PCNX3: variants seen among roughly 807,000 people sequenced by gnomAD.
PCNX3 encodes the protein pecanex-like protein 3.
Under a neutral mutation model 207.2 loss-of-function variants are expected in PCNX3, and 58 were observed. The ratio of observed to expected loss-of-function variants is 0.28; its 90% CI spans 0.23 to 0.35. The LOEUF is 0.35. Ranked by LOEUF, PCNX3 falls within the 10% of genes least tolerant of loss-of-function variation. The probability of loss-of-function intolerance (pLI) is 1.00; values close to 1 mark genes in which losing one functional copy is unlikely to be tolerated. For missense variants in PCNX3, 2,410 were observed against 2,774.4 expected (o/e 0.87, Z 2.95); for synonymous variants, 1,337 against 1,183.5 (o/e 1.13, Z -2.66).
At chr11:65,636,363 C>A (rs375505128) in intron 33 of PCNX3, 28 bp from the exon 34 acceptor site, 22 of 1,590,126 alleles carry the variant, frequency 1.4e-5, no homozygotes, top group Non-Finnish European at 1.8e-5. Flanking sequence ...CCAGCTGAGG[C>A]CTCTGCTGTC....
rs1198060255 is a variant in PCNX3 at position 65,637,243 on chromosome 11, G to T, written c.*265G>T. On this transcript the variant is annotated 3_prime_UTR_variant, in exon 35 of 35. Coordinates refer to ENST00000355703, the MANE Select transcript of PCNX3 (RefSeq NM_032223.4). Reference sequence around the variant, plus strand: ...GCCCTAAGAGCCAAACCATGGGCTGGTCCCACTTGGAGCCTGTGGCCAGGA... The same window carrying T: ...GCCCTAAGAGCCAAACCATGGGCTGTTCCCACTTGGAGCCTGTGGCCAGGA... The T allele has an allele frequency of 1.3e-5, 7 of 518,976 alleles. No homozygotes were observed. The highest frequency in any genetic ancestry group is 2.4e-5 in the Non-Finnish European group (7 of 288,082). 32.1% of individuals were successfully genotyped at this position (518,976 alleles called of 1,614,324 possible).
At position 65,625,868 on chromosome 11, in the gene PCNX3, C is replaced by A; in HGVS notation, c.3229-36C>A. 1 of 1,605,158 alleles carries A rather than the reference C, an allele frequency of 6.2e-7. No individual in the cohort carries two copies. Among genetic ancestry groups the A allele is most frequent in the Non-Finnish European group, 8.5e-7 (1 of 1,175,018 alleles). ...GCCCTCTGTGGTCCCTTGGCCTGCT[C>A]CCATCAGCTGAGTCTCTGGCCTCTC... is the stretch of plus-strand genomic sequence containing the variant. On this transcript the variant is annotated intron_variant, in intron 19 of 34. Coordinates refer to ENST00000355703, the MANE Select transcript of PCNX3 (RefSeq NM_032223.4). The surrounding 1 kb of genome is among the most constrained non-coding windows in gnomAD (Gnocchi z 5.6).
chr11:65,627,151 T>C (rs1360226180), intron 21 of PCNX3, 103 bp downstream of exon 21: 19 of 1,414,602 alleles, frequency 1.3e-5, no homozygotes, highest in African/African-American at 7.3e-5. Context: ...TAAGGTTGTT[T>C]AGCAAGCTAA....
chr11:65,622,263 G>A lies in PCNX3; in HGVS notation c.2254G>A (p.Glu752Lys). The change falls in exon 11 of 35, where the codon GAA becomes AAA. Residue 752 changes from glutamate to lysine, a missense_variant. Glu to Lys is a moderately conservative substitution (Grantham distance 56). Transcript: ENST00000355703. Reference protein sequence around the residue: ...EIPEEQTLMEEAPPRAQHSYK... With the variant: ...EIPEEQTLMEKAPPRAQHSYK... ...ATCCCAGGAGCAGACACTGATGGAAGAAGCGCCACCCCGGGCCCAGCATAG... is the reference window on the plus strand; with the variant it reads ...ATCCCAGGAGCAGACACTGATGGAAAAAGCGCCACCCCGGGCCCAGCATAG... 6.2e-7 allele frequency: 1 copy of A among 1,603,614 alleles called. No individual in the cohort carries two copies. Among genetic ancestry groups the A allele is most frequent in the South Asian group, 1.1e-5 (1 of 89,010 alleles).
Position 65,634,660 on chromosome 11 carries a change from C to G in PCNX3, c.4805+19C>G. ...CTGCAAGGTGAGTGCTCGGGTGTCC[C>G]GCGGGGCCTACTGCCGTCCCCACCC... On this transcript the variant is annotated intron_variant, in intron 29 of 34. Transcript: ENST00000355703. 6.5e-7 allele frequency: 1 copy of G among 1,548,996 alleles called. No homozygotes were observed. The highest frequency in any genetic ancestry group is 8.7e-7 in the Non-Finnish European group (1 of 1,152,604).
At chr11:65,620,507 T>C (rs757186784) in intron 9 of PCNX3, 78 bp downstream of exon 9, 539 of 1,491,150 alleles carry the variant, frequency 3.6e-4, no homozygotes, top group Non-Finnish European at 4.8e-4. Context: ...GCCTGGAGTT[T>C]GCTCTCTTCC....
Position 65,636,983 on chromosome 11 carries a change from C to T in PCNX3, c.*5C>T. 6.4e-7 allele frequency: 1 copy of T among 1,564,212 alleles called. No individual in the cohort carries two copies. The highest frequency in any genetic ancestry group is 1.2e-5 in the South Asian group (1 of 85,384). ...CTGCTGGAACACCAGTACTGAGCTACCTGGCGCCCACTGGACCACCTCCTA... is the reference window on the plus strand; with the variant it reads ...CTGCTGGAACACCAGTACTGAGCTATCTGGCGCCCACTGGACCACCTCCTA... On this transcript the variant is annotated 3_prime_UTR_variant, in exon 35 of 35. Transcript: ENST00000355703.
Position 65,624,184 on chromosome 11 carries a change from T to C in PCNX3, c.2545-11T>C. ...CGGGGAGACCCAGCTCCTCATGGGC[T>C]GACCCCTCAGGGCCACAACTGGGTG... On this transcript the variant is annotated splice_polypyrimidine_tract_variant and intron_variant, in intron 13 of 34. Coordinates refer to ENST00000355703, the MANE Select transcript of PCNX3 (RefSeq NM_032223.4). 2 of 1,599,214 alleles carry C rather than the reference T, an allele frequency of 1.3e-6. No individual in the cohort carries two copies. Among genetic ancestry groups the C allele is most frequent in the Non-Finnish European group, 1.7e-6 (2 of 1,175,036 alleles).
Position 65,620,831 on chromosome 11 carries a change from G to T in PCNX3, c.2100G>T (p.Trp700Cys). The change falls in exon 10 of 35, where the codon TGG becomes TGT. Residue 700 changes from tryptophan to cysteine, a missense_variant and splice_region_variant. Physicochemically the swap from Trp to Cys is radical, Grantham distance 215 (BLOSUM62 -2). This residue lies in a region of PCNX3 where 1,104 missense variants were observed against 970.3 expected (regional missense o/e 1.14). Transcript: ENST00000355703. ...ATCCTGATGGCTGCTGTTCTCACAG[G>T]GACCGACACTCGCATTCCTCCAGCT... ...QQGEQTANGA[W>C]DRHSHSSSFH... 1 of 1,595,798 alleles carries T rather than the reference G, an allele frequency of 6.3e-7. No homozygotes were observed. The highest frequency in any genetic ancestry group is 2.3e-5 in the East Asian group (1 of 43,616).
chr11:65,630,366 A>G lies in PCNX3; in HGVS notation c.4232A>G (p.Gln1411Arg). Residue 1411 changes from glutamine (Q) to arginine (R), a missense_variant, in exon 27 of 35, where the codon CAG becomes CGG. Physicochemically the swap from Gln to Arg is conservative, Grantham distance 43. Transcript: ENST00000355703. ...GLEFRGTYCQ[Q>R]REVEAITEGV... ...TCCTCCACAGGCACTTACTGCCAGC[A>G]GCGCGAGGTGGAGGCTATCACCGAG... 6.2e-7 allele frequency: 1 copy of G among 1,613,172 alleles called. No individual in the cohort carries two copies. Among genetic ancestry groups the G allele is most frequent in the Non-Finnish European group, 8.5e-7 (1 of 1,179,858 alleles).
chr11:65,624,938 G>T lies in PCNX3; in HGVS notation c.2841G>T (p.Pro947=), dbSNP rs370523828. The change falls in exon 16 of 35, where the codon CCG becomes CCT. Residue 947 remains proline, a synonymous_variant. Coordinates refer to ENST00000355703, the MANE Select transcript of PCNX3 (RefSeq NM_032223.4). ...HGFGGTAATS[P]LTAVFSLSRS... is the part of the protein sequence containing the mutation. The stretch of plus-strand genomic sequence containing the variant: ...CCTTCCACACAGCTGCCACCAGCCC[G>T]CTCACGGCAGTCTTCAGCCTCTCCC... 6.2e-7 allele frequency: 1 copy of T among 1,610,038 alleles called. No homozygotes were observed.
At position 65,616,941 on chromosome 11, in the gene PCNX3, G is replaced by C. The variant is rs750506857; in HGVS notation, c.271G>C (p.Val91Leu). Residue 91 changes from valine (V) to leucine (L), a missense_variant, in exon 2 of 35, where the codon GTG becomes CTG. Val to Leu is a conservative substitution (Grantham distance 32). Transcript: ENST00000355703. ...LHAMFDQGEIVEKRSSTMGEL... is the reference protein window; with the variant it reads ...LHAMFDQGEILEKRSSTMGEL... ...TGCCATGTTTGACCAGGGCGAGATC[G>C]TGGAGAAGCGCAGCTCTACCATGGG... is the stretch of plus-strand genomic sequence containing the variant. 4 of 1,613,294 alleles carry C rather than the reference G, an allele frequency of 2.5e-6. No individual in the cohort carries two copies. Among genetic ancestry groups the C allele is most frequent in the Non-Finnish European group, 3.4e-6 (4 of 1,179,854 alleles).
At chr11:65,617,871 C>T in intron 5 of PCNX3, 69 bp from the exon 6 acceptor site, 3 of 1,476,046 alleles carry the variant, frequency 2.0e-6, no homozygotes, top group South Asian at 1.3e-5. Context: ...GGCATAAGAC[C>T]TCCCTTAACC....
At chr11:65,623,994 G>A (rs1855248142) in intron 13 of PCNX3, 33 bp downstream of exon 13, 1 of 1,608,334 alleles carries the variant, frequency 6.2e-7, no homozygotes, top group Non-Finnish European at 8.5e-7. Context: ...CTCTGGCCAG[G>A]AGGCCCCGGG....
rs1855194243 is a variant in PCNX3 at position 65,623,055 on chromosome 11, C to T, written c.2358-436C>T. Among the ~76,000 whole-genome samples, 5 of 152,324 alleles carry T rather than the reference C, an allele frequency of 3.3e-5. No individual in the cohort carries two copies. In the South Asian group the frequency reaches 1.0e-3, roughly 32 times the overall value. The stretch of plus-strand genomic sequence containing the variant: ...CAATAGAGAAGTCAGATGACTTCTA[C>T]CCAGTGTAGAGAACTTGGGCCTAGA... On this transcript the variant is annotated intron_variant, in intron 11 of 34. Coordinates refer to ENST00000355703, the MANE Select transcript of PCNX3 (RefSeq NM_032223.4).
At position 65,618,348 on chromosome 11, in the gene PCNX3, G is replaced by A; in HGVS notation, c.986G>A (p.Gly329Glu). 1 of 1,612,192 alleles carries A rather than the reference G, an allele frequency of 6.2e-7. No homozygotes were observed. Among genetic ancestry groups the A allele is most frequent in the Non-Finnish European group, 8.5e-7 (1 of 1,179,448 alleles). ...ACCCATCTGGACAGCCCCCCAGGGG[G>A]GCCAGCCCCTGAGGGCAGCGACACA... Reference protein sequence around the residue: ...NSTHLDSPPGGPAPEGSDTDP... With the variant: ...NSTHLDSPPGEPAPEGSDTDP... The change falls in exon 6 of 35, where the codon GGG (glycine) becomes GAG (glutamate). Residue 329 changes from glycine to glutamate, a missense_variant. By Grantham distance (98) the Gly-to-Glu change is moderately conservative. Transcript: ENST00000355703.
rs1251029267 is a variant in PCNX3, at chr11:65,617,453, G to A, written c.442-17G>A. On this transcript the variant is annotated splice_polypyrimidine_tract_variant and intron_variant, in intron 3 of 34. Coordinates refer to ENST00000355703, the MANE Select transcript of PCNX3 (RefSeq NM_032223.4). ...TTCTTGCCTTGTTTGTTCCTTCATG[G>A]CTCTCTGTCTACTCAGGAGCTGCTG... 6.2e-7 allele frequency: 1 copy of A among 1,613,790 alleles called. No individual in the cohort carries two copies. The highest frequency in any genetic ancestry group is 8.5e-7 in the Non-Finnish European group (1 of 1,179,872).
Position 65,635,013 on chromosome 11 carries a change from G to A in PCNX3, c.4846G>A (p.Gly1616Arg). Residue 1616 changes from glycine (G) to arginine (R), a missense_variant, in exon 30 of 35, where the codon GGG (glycine) becomes AGG (arginine). Physicochemically the swap from Gly to Arg is moderately radical, Grantham distance 125 (BLOSUM62 -2). This residue lies in a region of PCNX3 where 420 missense variants were observed against 705.3 expected (regional missense o/e 0.60). Transcript: ENST00000355703. This position sits in a 1 kb window ranked among gnomAD's most constrained non-coding sequence, Gnocchi z 9.9. ...CTACGGCCTGCACGCCCTGTTCAAG[G>A]GGGATTTTCGCATCACCTCCCCACG... The part of the protein sequence containing the change: ...FLYGLHALFK[G>R]DFRITSPRDE... 6.2e-7 allele frequency: 1 copy of A among 1,613,906 alleles called. No individual in the cohort carries two copies. The highest frequency in any genetic ancestry group is 8.5e-7 in the Non-Finnish European group (1 of 1,179,864).
In PCNX3 at chr11:65,623,519, G is replaced by A. The variant is rs1258701595; in HGVS notation, c.2386G>A (p.Gly796Ser). ...GCGGGGAGTGCTGGAGAACATCTTC[G>A]GCGTGGGCCTGAGCAGCCTTGTGGC... ...RTRGVLENIF[G>S]VGLSSLVAFL... is the part of the protein sequence containing the mutation. The change falls in exon 12 of 35, where the codon GGC (glycine) becomes AGC (serine). Residue 796 changes from glycine (G) to serine (S), a missense_variant. Transcript: ENST00000355703. 5.0e-6 allele frequency: 8 copies of A among 1,612,412 alleles called. No individual in the cohort carries two copies. The highest frequency in any genetic ancestry group is 1.7e-5 in the Admixed American group (1 of 59,766).
Sources: allele counts gnomAD v4.1 joint callset (sites outside exome capture counted in the v4.1 genomes callset), GRCh38; gene constraint gnomAD v4.1.1; regional missense constraint gnomAD v4.1.1; non-coding constraint Gnocchi (gnomAD v3.1); transcripts MANE v1.5; gene names NCBI Gene and HGNC (gene_info 2026-07-23, HGNC 2026-07-21).